Variants in KIF6 observed in about 807,000 individuals in gnomAD.
The protein encoded by KIF6 is kinesin-like protein KIF6.
KIF6 carries 106 observed loss-of-function variants against 112.7 expected under a neutral mutation model. The ratio of observed to expected loss-of-function variants is 0.94; its 90% CI spans 0.80 to 1.11. The LOEUF (loss-of-function observed/expected upper bound fraction) is 1.11. Ranked by LOEUF, KIF6 falls within the 50% of genes least tolerant of loss-of-function variation. KIF6 has a pLI of 0.00. For missense variants in KIF6, 929 were observed against 964.0 expected (o/e 0.96, Z 0.48); for synonymous variants, 339 against 339.9 (o/e 1.00, Z 0.03).
chr6:39,596,412 G>A, intron 6 of KIF6, 152 bp from the exon 7 acceptor site: 1 of 622,492 alleles, frequency 1.6e-6, no homozygotes. Context: ...GACCTTTAAA[G>A]TAAGTTCTTT....
intron 17 of KIF6, among the ~76,000 whole-genome samples, chr6:39,362,178 C>G (rs1186354739): frequency 6.6e-6 from 1 of 152,138 alleles, no homozygotes; most frequent in East Asian, 1.9e-4. Flanking sequence ...TTCTTGGCTC[C>G]CGTAGGTGGC....
chr6:39,442,654 G>A (rs1771989629), intron 13 of KIF6, among the ~76,000 whole-genome samples: 1 of 152,146 alleles, frequency 6.6e-6, no homozygotes, highest in South Asian at 2.1e-4. Flanking sequence ...ATTGATTTTA[G>A]CCCGTAGATG....
At chr6:39,578,023 TAAAGAA>T (rs1263263558) in intron 10 of KIF6, 27 bp downstream of exon 10, 3 of 1,443,006 alleles carry the variant, frequency 2.1e-6, no homozygotes, top group Non-Finnish European at 1.9e-6. Flanking sequence ...CTTTCACTGT[TAAAGAA>T]AAAGAAAAAA....
intron 16 of KIF6, among the ~76,000 whole-genome samples, chr6:39,382,257 C>T (rs370286753): frequency 6.6e-6 from 1 of 152,240 alleles, no homozygotes; most frequent in East Asian, 1.9e-4. Flanking sequence ...TTGTATTGAT[C>T]TCGTCACGAA....
intron 13 of KIF6, among the ~76,000 whole-genome samples, chr6:39,497,491 G>A (rs1057236159): frequency 1.4e-4 from 21 of 152,160 alleles, no homozygotes; most frequent in African/African-American, 4.3e-4. Flanking sequence ...TGTGTGGAAA[G>A]GAAGAAATTG....
intron 3 of KIF6, among the ~76,000 whole-genome samples, chr6:39,652,886 A>G (rs1301116969): frequency 4.6e-5 from 7 of 152,320 alleles, no homozygotes; most frequent in African/African-American, 1.7e-4. Context: ...TCTTTTTATA[A>G]AGCTAATAAT....
At chr6:39,663,526 G>T (rs1315377999) in intron 3 of KIF6, among the ~76,000 whole-genome samples, 1 of 152,160 alleles carries the variant, frequency 6.6e-6, no homozygotes, top group African/African-American at 2.4e-5. Context: ...GGAAAGGTCA[G>T]AATAAGTATA....
chr6:39,559,021 G>C (rs1779873698), intron 10 of KIF6, among the ~76,000 whole-genome samples: 1 of 151,980 alleles, frequency 6.6e-6, no homozygotes, highest in South Asian at 2.1e-4. Context: ...TTTTAGTTTT[G>C]GTTTTAATAT....
intron 13 of KIF6, among the ~76,000 whole-genome samples, chr6:39,506,842 G>A (rs957732967): frequency 6.6e-6 from 1 of 152,146 alleles, no homozygotes; most frequent in Non-Finnish European, 1.5e-5. Flanking sequence ...TTCACAGGAA[G>A]GGGAGAAGGG....
At chr6:39,561,146 G>A (rs975610489) in intron 10 of KIF6, among the ~76,000 whole-genome samples, 5 of 152,180 alleles carry the variant, frequency 3.3e-5, no homozygotes, top group African/African-American at 4.8e-5. Flanking sequence ...GTCAGAAAAG[G>A]CAGAACCAGA....
intron 14 of KIF6, 107 bp downstream of exon 14, chr6:39,430,946 T>G (rs1169613327): frequency 3.3e-6 from 2 of 608,360 alleles, no homozygotes; most frequent in African/African-American, 3.7e-5. Flanking sequence ...TATGCTTTTC[T>G]TGTAATAGTT....
intron 3 of KIF6, among the ~76,000 whole-genome samples, chr6:39,651,446 G>T (rs115482067): frequency 0.019 from 2,848 of 152,238 alleles, 83 homozygotes; most frequent in African/African-American, 0.064. Context: ...AGTGTGGTGG[G>T]TGCTGAGAGA....
At chr6:39,410,773 A>G (rs949351168) in intron 15 of KIF6, among the ~76,000 whole-genome samples, 1 of 152,250 alleles carries the variant, frequency 6.6e-6, no homozygotes, top group Non-Finnish European at 1.5e-5. Flanking sequence ...GAGCTGAACT[A>G]GCAAAAAATC....
intron 3 of KIF6, among the ~76,000 whole-genome samples, chr6:39,682,564 C>T (rs117942813): frequency 6.6e-6 from 1 of 152,220 alleles, no homozygotes; most frequent in East Asian, 1.9e-4. Context: ...TAATGCACTA[C>T]AATGTGACTA....
intron 3 of KIF6, among the ~76,000 whole-genome samples, chr6:39,653,468 C>G (rs1402038289): frequency 2.0e-5 from 3 of 151,996 alleles, no homozygotes; most frequent in Non-Finnish European, 4.4e-5. Flanking sequence ...GAGAAAGTAC[C>G]AGAGACTTGG....
intron 3 of KIF6, among the ~76,000 whole-genome samples, chr6:39,707,677 TG>T (rs1561947757): frequency 6.6e-6 from 1 of 152,270 alleles, no homozygotes; most frequent in Non-Finnish European, 1.5e-5. Flanking sequence ...TATCTTGGTC[TG>T]GAACCAGAGG....
chr6:39,387,926 G>C (rs535456260), intron 15 of KIF6, among the ~76,000 whole-genome samples: 1 of 152,276 alleles, frequency 6.6e-6, no homozygotes, highest in African/African-American at 2.4e-5. Flanking sequence ...TTTTAATCCT[G>C]CAGTATGGAG....
At chr6:39,603,721 G>A (rs1782712309) in intron 6 of KIF6, among the ~76,000 whole-genome samples, 1 of 151,878 alleles carries the variant, frequency 6.6e-6, no homozygotes, top group East Asian at 1.9e-4. Context: ...TCTGCTTTTA[G>A]TTAAACTAAT....
At chr6:39,671,184 T>G (rs1190470350) in intron 3 of KIF6, among the ~76,000 whole-genome samples, 1 of 152,196 alleles carries the variant, frequency 6.6e-6, no homozygotes, top group African/African-American at 2.4e-5. Context: ...GAAGAGTGAT[T>G]TACTTCCGTT....
Sources: gnomAD v4.1 joint callset for allele counts (sites outside exome capture counted in the v4.1 genomes callset) on GRCh38, gnomAD v4.1.1 for gene constraint, MANE v1.5 for transcripts, NCBI Gene and HGNC (gene_info 2026-07-23, HGNC 2026-07-21) for gene names.